TOP6BL: variants seen among roughly 807,000 people sequenced by gnomAD.
TOP6BL encodes the protein type 2 DNA topoisomerase 6 subunit B-like.
the TOP6BL span, among the ~76,000 whole-genome samples, chr11:66,812,370 G>A: frequency 6.6e-6 from 1 of 152,030 alleles, no homozygotes; most frequent in Admixed American, 6.6e-5. Flanking sequence ...TAGAGACGGG[G>A]TTTCACCGTG....
chr11:66,769,269 T>G, the TOP6BL span, among the ~76,000 whole-genome samples: 1 of 152,196 alleles, frequency 6.6e-6, no homozygotes, highest in East Asian at 1.9e-4. Context: ...GCTATAAAAC[T>G]CTTAGAAAAG....
the TOP6BL span, among the ~76,000 whole-genome samples, chr11:66,761,327 C>T: frequency 5.9e-5 from 9 of 151,384 alleles, no homozygotes; most frequent in African/African-American, 1.5e-4. Flanking sequence ...GCCGAGATTG[C>T]GCCACTGCAC....
the TOP6BL span, among the ~76,000 whole-genome samples, chr11:66,822,025 C>T: frequency 6.6e-6 from 1 of 152,182 alleles, no homozygotes; most frequent in Admixed American, 6.5e-5. Flanking sequence ...GGAAAAATGG[C>T]TGATAACACA....
At chr11:66,779,541 G>A in the TOP6BL span, among the ~76,000 whole-genome samples, 1 of 152,282 alleles carries the variant, frequency 6.6e-6, no homozygotes, top group East Asian at 1.9e-4. Flanking sequence ...TGGAGAAATA[G>A]GAACACTTTT....
the TOP6BL span, among the ~76,000 whole-genome samples, chr11:66,779,853 G>A: frequency 2.6e-5 from 4 of 152,124 alleles, no homozygotes; most frequent in Middle Eastern, 3.4e-3. Flanking sequence ...AGTTCATGTC[G>A]TTTGTAGGGA....
At chr11:66,804,786 A>G in the TOP6BL span, among the ~76,000 whole-genome samples, 1 of 151,730 alleles carries the variant, frequency 6.6e-6, no homozygotes, top group Non-Finnish European at 1.5e-5. Flanking sequence ...AAATACAAAA[A>G]TTAGGCCGGG....
the TOP6BL span, among the ~76,000 whole-genome samples, chr11:66,760,042 T>C: frequency 6.6e-6 from 1 of 152,228 alleles, no homozygotes; most frequent in Non-Finnish European, 1.5e-5. Flanking sequence ...TATTTTTTCC[T>C]AATGAATTGT....
At chr11:66,752,012 A>C in the TOP6BL span, among the ~76,000 whole-genome samples, 1 of 152,086 alleles carries the variant, frequency 6.6e-6, no homozygotes, top group Non-Finnish European at 1.5e-5. Flanking sequence ...GACCTGCTCT[A>C]ATTTTGACTT....
At chr11:66,799,495 G>T in the TOP6BL span, among the ~76,000 whole-genome samples, 1 of 150,552 alleles carries the variant, frequency 6.6e-6, no homozygotes, top group South Asian at 2.1e-4. Context: ...CACTCACTTG[G>T]GTGGTCAGGA....
chr11:66,756,543 C>CCCT, the TOP6BL span: 1 of 1,009,490 alleles, frequency 9.9e-7, no homozygotes, highest in South Asian at 3.6e-5. Context: ...TCCTATCCAG[C>CCCT]CCTCAATTTT....
chr11:66,828,238 A>C, the TOP6BL span: 2 of 1,545,076 alleles, frequency 1.3e-6, no homozygotes, highest in Non-Finnish European at 1.8e-6. Context: ...ACTGGAACTC[A>C]GCATGTTCTA....
At chr11:66,812,251 A>G in the TOP6BL span, among the ~76,000 whole-genome samples, 3 of 146,366 alleles carry the variant, frequency 2.0e-5, no homozygotes, top group Admixed American at 1.4e-4. Flanking sequence ...ATCTCGGCTC[A>G]CTGTAAGCTC....
chr11:66,799,693 T>C, the TOP6BL span, among the ~76,000 whole-genome samples: 1 of 151,520 alleles, frequency 6.6e-6, no homozygotes, highest in African/African-American at 2.4e-5. Flanking sequence ...CACTCCAGCC[T>C]GGGCGACAGA....
At chr11:66,823,962 G>A in the TOP6BL span, among the ~76,000 whole-genome samples, 1 of 152,146 alleles carries the variant, frequency 6.6e-6, no homozygotes. Context: ...GTGGCAGTAC[G>A]GAATCAGAGG....
chr11:66,842,798 T>C, the TOP6BL span: 1 of 1,492,688 alleles, frequency 6.7e-7, no homozygotes, highest in Non-Finnish European at 9.0e-7. Flanking sequence ...CCAAGGGTGC[T>C]CCTAGCACAG....
chr11:66,776,604 A>T, the TOP6BL span, among the ~76,000 whole-genome samples: 10 of 152,110 alleles, frequency 6.6e-5, no homozygotes, highest in Admixed American at 1.3e-4. Flanking sequence ...CCTGGTCAAC[A>T]TAGCAAGTCC....
At chr11:66,819,160 A>C in the TOP6BL span, among the ~76,000 whole-genome samples, 1 of 152,168 alleles carries the variant, frequency 6.6e-6, no homozygotes, top group Non-Finnish European at 1.5e-5. Flanking sequence ...AGATGGTGCA[A>C]AGTTAGTCTG....
the TOP6BL span, among the ~76,000 whole-genome samples, chr11:66,768,539 AC>A: frequency 6.6e-6 from 1 of 151,892 alleles, no homozygotes; most frequent in Non-Finnish European, 1.5e-5. Context: ...ACTGTGAGAG[AC>A]TACACTTAAT....
At chr11:66,784,333 AT>A in the TOP6BL span, among the ~76,000 whole-genome samples, 4 of 150,636 alleles carry the variant, frequency 2.7e-5, no homozygotes, top group Admixed American at 2.0e-4. Context: ...GCACCCTGCC[AT>A]TTTTTTGTAT....
Sources: gnomAD v4.1 joint callset for allele counts (sites outside exome capture counted in the v4.1 genomes callset) on GRCh38, gnomAD v4.1.1 for gene constraint, MANE v1.5 for transcripts, NCBI Gene and HGNC (gene_info 2026-07-23, HGNC 2026-07-21) for gene names.